The following FHOD3 variants were observed in gnomAD, a reference collection of about 807,000 sequenced individuals.
FHOD3 encodes formin homology 2 domain containing 3.
Under a neutral mutation model 173.0 loss-of-function variants are expected in FHOD3, and 90 were observed. The observed-to-expected ratio is 0.52, with a 90% confidence interval of 0.44 to 0.62. FHOD3 has a LOEUF of 0.62. FHOD3 is among the 20% of genes least tolerant of loss of function. The pLI, the probability that FHOD3 is intolerant of heterozygous loss-of-function variation, is 0.00. For missense variants in FHOD3, 1,945 were observed against 2,034.7 expected (o/e 0.96, Z 0.85); for synonymous variants, 828 against 823.0 (o/e 1.01, Z -0.10).
intron 14 of FHOD3, among the ~76,000 whole-genome samples, chr18:36,677,948 T>C (rs1156553213): frequency 6.6e-6 from 1 of 152,228 alleles, no homozygotes; most frequent in Non-Finnish European, 1.5e-5. Flanking sequence ...AATTTCATAG[T>C]TAGCTTATGA....
intron 5 of FHOD3, among the ~76,000 whole-genome samples, chr18:36,546,179 C>T (rs772774109): frequency 6.6e-5 from 10 of 152,166 alleles, no homozygotes; most frequent in Non-Finnish European, 1.3e-4. Context: ...TACATTCCAC[C>T]GCAGTTCATC....
intron 15 of FHOD3, among the ~76,000 whole-genome samples, chr18:36,682,604 A>G (rs578108320): frequency 2.0e-5 from 3 of 152,002 alleles, no homozygotes; most frequent in African/African-American, 7.3e-5. Context: ...GTTTTTTGAG[A>G]CAGAGTCTCA....
intron 11 of FHOD3, among the ~76,000 whole-genome samples, chr18:36,651,332 A>G (rs1226195234): frequency 6.6e-6 from 1 of 152,228 alleles, no homozygotes; most frequent in Non-Finnish European, 1.5e-5. Flanking sequence ...GACTGGAAAA[A>G]TGCAAAGTTT....
intron 5 of FHOD3, among the ~76,000 whole-genome samples, chr18:36,514,685 T>A (rs1334528947): frequency 6.6e-6 from 1 of 152,204 alleles, no homozygotes; most frequent in African/African-American, 2.4e-5. Flanking sequence ...ATTATAACCA[T>A]CTTCTGTTTA....
At chr18:36,355,704 T>G in intron 2 of FHOD3, 59 bp downstream of exon 2, 1 of 1,387,642 alleles carries the variant, frequency 7.2e-7, no homozygotes, top group East Asian at 2.3e-5. Context: ...TGGGGGTACA[T>G]TGAGGCCTTA....
intron 6 of FHOD3, among the ~76,000 whole-genome samples, chr18:36,587,427 A>T (rs965831428): frequency 6.6e-6 from 1 of 152,174 alleles, no homozygotes; most frequent in Admixed American, 6.5e-5. Context: ...TAGGATAGAA[A>T]TTCACTTGGT....
chr18:36,742,054 G>C (rs911093212), intron 21 of FHOD3, among the ~76,000 whole-genome samples: 1 of 152,140 alleles, frequency 6.6e-6, no homozygotes. Flanking sequence ...GGTCAGCCTG[G>C]CAAGACCTGG....
intron 5 of FHOD3, among the ~76,000 whole-genome samples, chr18:36,522,485 C>A (rs1166286428): frequency 6.6e-6 from 1 of 152,100 alleles, no homozygotes; most frequent in Non-Finnish European, 1.5e-5. Flanking sequence ...GGGTGTATAT[C>A]TTGATTTTAA....
chr18:36,693,750 GTC>G (rs1372516600), intron 17 of FHOD3, among the ~76,000 whole-genome samples: 2 of 152,152 alleles, frequency 1.3e-5, no homozygotes, highest in Admixed American at 1.3e-4. Context: ...TGAGATGTGG[GTC>G]TGCCCAATCA....
intron 17 of FHOD3, among the ~76,000 whole-genome samples, chr18:36,697,366 C>T (rs1317270384): frequency 6.6e-6 from 1 of 152,150 alleles, no homozygotes; most frequent in Non-Finnish European, 1.5e-5. Flanking sequence ...AATGGCATTT[C>T]CCAGTGGAAG....
intron 3 of FHOD3, among the ~76,000 whole-genome samples, chr18:36,447,818 G>A (rs1017032239): frequency 1.3e-5 from 2 of 152,120 alleles, no homozygotes; most frequent in Non-Finnish European, 2.9e-5. Context: ...CCTGGAAAAG[G>A]GCTGTTAAGG....
intron 8 of FHOD3, among the ~76,000 whole-genome samples, chr18:36,607,232 C>T (rs192108243): frequency 2.4e-4 from 37 of 152,354 alleles, no homozygotes; most frequent in African/African-American, 7.7e-4. Context: ...CATGGCTCCA[C>T]GGCTCTTGTA....
At chr18:36,466,665 A>C (rs2052958789) in intron 3 of FHOD3, among the ~76,000 whole-genome samples, 1 of 152,188 alleles carries the variant, frequency 6.6e-6, no homozygotes, top group African/African-American at 2.4e-5. Flanking sequence ...GCTGCACCTC[A>C]TGGGTGGGTC....
chr18:36,549,049 T>C (rs963023458), intron 5 of FHOD3, among the ~76,000 whole-genome samples: 1 of 152,250 alleles, frequency 6.6e-6, no homozygotes, highest in African/African-American at 2.4e-5. Flanking sequence ...TAGTGTTGTA[T>C]GAGAGTCTAG....
chr18:36,666,208 T>C (rs1439403677), intron 14 of FHOD3, among the ~76,000 whole-genome samples: 2 of 152,188 alleles, frequency 1.3e-5, no homozygotes, highest in Non-Finnish European at 2.9e-5. Context: ...ACTGAAGCAG[T>C]GTGTGCAACA....
chr18:36,508,127 AGACT>A (rs1431073173), intron 4 of FHOD3, among the ~76,000 whole-genome samples: 2 of 152,208 alleles, frequency 1.3e-5, no homozygotes, highest in Non-Finnish European at 2.9e-5. Flanking sequence ...TACTATTCTG[AGACT>A]GGTGTGTGTG....
At chr18:36,552,759 A>G (rs1341482198) in intron 5 of FHOD3, among the ~76,000 whole-genome samples, 1 of 151,986 alleles carries the variant, frequency 6.6e-6, no homozygotes, top group East Asian at 1.9e-4. Context: ...CGGCCTCCCA[A>G]AGTGCTGGGA....
intron 19 of FHOD3, among the ~76,000 whole-genome samples, chr18:36,725,005 C>T (rs1243561604): frequency 6.6e-6 from 1 of 152,218 alleles, no homozygotes; most frequent in Non-Finnish European, 1.5e-5. Flanking sequence ...GGGAAAGCAG[C>T]ATGTTCAGAG....
At chr18:36,459,706 T>C (rs1424215247) in intron 3 of FHOD3, among the ~76,000 whole-genome samples, 4 of 152,208 alleles carry the variant, frequency 2.6e-5, no homozygotes, top group South Asian at 2.1e-4. Context: ...AAAATAGTTT[T>C]AGATTTACAG....
Sources: gnomAD v4.1 joint callset for allele counts (sites outside exome capture counted in the v4.1 genomes callset) on GRCh38, gnomAD v4.1.1 for gene constraint, MANE v1.5 for transcripts, NCBI Gene and HGNC (gene_info 2026-07-23, HGNC 2026-07-21) for gene names.